Variants in SEM1 observed in about 807,000 individuals in gnomAD.
The protein encoded by SEM1 is 26S proteasome complex subunit SEM1.
In SEM1, 3 loss-of-function variants were observed where a neutral mutation model predicts 12.7. The ratio of observed to expected loss-of-function variants is 0.24; its 90% CI spans 0.11 to 0.61. The LOEUF is 0.61. SEM1 is among the 20% of genes least tolerant of loss of function. The pLI is 0.88. For synonymous variants in SEM1, 30 were observed against 27.8 expected (o/e 1.08, Z -0.25); for missense variants, 59 against 81.3 (o/e 0.73, Z 1.06).
At chr7:96,568,789 A>G (rs1442118786) in intron 2 of SEM1, among the ~76,000 whole-genome samples, 2 of 151,900 alleles carry the variant, frequency 1.3e-5, no homozygotes, top group Non-Finnish European at 2.9e-5. Context: ...GATAAAATAA[A>G]TAAAACAAAA....
chr7:96,535,788 T>C (rs547131990), intron 2 of SEM1, among the ~76,000 whole-genome samples: 1 of 152,118 alleles, frequency 6.6e-6, no homozygotes, highest in Non-Finnish European at 1.5e-5. Flanking sequence ...AAGGACATGA[T>C]TTTTTACTTT....
chr7:96,565,309 G>A (rs549816581), intron 2 of SEM1, among the ~76,000 whole-genome samples: 1 of 152,006 alleles, frequency 6.6e-6, no homozygotes, highest in Non-Finnish European at 1.5e-5. Flanking sequence ...CAAAGAGTTA[G>A]GTACTTTGTG....
At chr7:96,562,671 A>G (rs1360930558) in intron 2 of SEM1, among the ~76,000 whole-genome samples, 2 of 152,142 alleles carry the variant, frequency 1.3e-5, no homozygotes, top group Non-Finnish European at 1.5e-5. Flanking sequence ...TTACAAGTGG[A>G]TAGGAAAACT....
intron 1 of SEM1, chr7:96,696,302 A>G (rs150253152): frequency 1.2e-3 from 175 of 152,084 alleles, no homozygotes; most frequent in African/African-American, 4.1e-3. Flanking sequence ...AGAACATATA[A>G]AAAAGATTCA....
At chr7:96,652,691 G>C (rs1809039220) in intron 2 of SEM1, among the ~76,000 whole-genome samples, 1 of 152,046 alleles carries the variant, frequency 6.6e-6, no homozygotes, top group Non-Finnish European at 1.5e-5. Context: ...CTTCAGTTAT[G>C]TTTCCCAAAG....
chr7:96,607,156 C>G (rs1807405056), intron 2 of SEM1, among the ~76,000 whole-genome samples: 1 of 152,066 alleles, frequency 6.6e-6, no homozygotes, highest in African/African-American at 2.4e-5. Flanking sequence ...CTGAGGATAC[C>G]TTGGTGAAAC....
intron 2 of SEM1, among the ~76,000 whole-genome samples, chr7:96,596,507 A>G (rs560455078): frequency 6.6e-6 from 1 of 152,168 alleles, no homozygotes; most frequent in African/African-American, 2.4e-5. Context: ...GGCCGTGTGC[A>G]TCTTGATTTC....
At position 96,709,741 on chromosome 7, in the gene SEM1, A is replaced by T. The variant is rs774755484; in HGVS notation, c.23T>A (p.Val8Glu). 1 of 1,613,986 alleles carries T rather than the reference A, an allele frequency of 6.2e-7. No homozygotes were observed. The highest frequency in any genetic ancestry group is 1.1e-5 in the South Asian group (1 of 91,082). Residue 8 changes from valine to glutamate, a missense_variant, in exon 1 of 3, where the codon GTA becomes GAA. Physicochemically the swap from Val to Glu is moderately radical, Grantham distance 121. Transcript: ENST00000248566. ...GTCTTCCTCTAACAGACCTAAGTCTACCGGCTGCTTTTTCTCTGACATCTC... is the reference window on the plus strand; with the variant it reads ...GTCTTCCTCTAACAGACCTAAGTCTTCCGGCTGCTTTTTCTCTGACATCTC... MSEKKQPVDLGLLEEDDE... is the reference protein window; with the variant it reads MSEKKQPEDLGLLEEDDE...
chr7:96,689,345 C>T (rs891022072), intron 2 of SEM1, among the ~76,000 whole-genome samples: 1 of 152,142 alleles, frequency 6.6e-6, no homozygotes, highest in African/African-American at 2.4e-5. Flanking sequence ...GCAAAGTACA[C>T]ATCACTATCA....
chr7:96,531,606 GAAAAAAAA>G (rs5885966), intron 2 of SEM1, among the ~76,000 whole-genome samples: 2 of 129,768 alleles, frequency 1.5e-5, no homozygotes, highest in Non-Finnish European at 3.3e-5. Flanking sequence ...ACTCTGTGTG[GAAAAAAAA>G]AAAAAAAAGG....
chr7:96,573,941 TA>T (rs146372643), intron 2 of SEM1, among the ~76,000 whole-genome samples: 128,352 of 151,030 alleles, frequency 0.85, 56,643 homozygotes, highest in Non-Finnish European at 0.98. Context: ...TTTTTTTTAA[TA>T]TTTTTTATTA....
At chr7:96,564,842 A>G (rs947797219) in intron 2 of SEM1, among the ~76,000 whole-genome samples, 1 of 152,058 alleles carries the variant, frequency 6.6e-6, no homozygotes, top group East Asian at 1.9e-4. Flanking sequence ...AAGAAAACTT[A>G]TATGGTAAGT....
chr7:96,576,122 A>G (rs1450180316), intron 2 of SEM1, among the ~76,000 whole-genome samples: 1 of 152,200 alleles, frequency 6.6e-6, no homozygotes, highest in Non-Finnish European at 1.5e-5. Context: ...TGTGAATTCA[A>G]TCTTGTCTGA....
intron 2 of SEM1, among the ~76,000 whole-genome samples, chr7:96,543,296 G>A (rs534174472): frequency 1.2e-4 from 18 of 151,758 alleles, no homozygotes; most frequent in Non-Finnish European, 2.1e-4. Context: ...AACATATACC[G>A]GAGGATATGT....
At chr7:96,514,772 T>A (rs958447624) in intron 2 of SEM1, among the ~76,000 whole-genome samples, 3 of 152,106 alleles carry the variant, frequency 2.0e-5, no homozygotes, top group Non-Finnish European at 2.9e-5. Flanking sequence ...GTTTTATAAA[T>A]AAATGAAAAG....
intron 2 of SEM1, among the ~76,000 whole-genome samples, chr7:96,676,607 T>C (rs1789454781): frequency 6.6e-6 from 1 of 152,212 alleles, no homozygotes; most frequent in Non-Finnish European, 1.5e-5. Flanking sequence ...ACAAGCTACA[T>C]TTCTGCCAAT....
chr7:96,528,724 A>G, intron 2 of SEM1, among the ~76,000 whole-genome samples: 1 of 152,120 alleles, frequency 6.6e-6, no homozygotes. Flanking sequence ...GCAGAATCTC[A>G]GACCCATTCC....
chr7:96,564,383 G>GT (rs1398566658), intron 2 of SEM1, among the ~76,000 whole-genome samples: 1 of 151,784 alleles, frequency 6.6e-6, no homozygotes, highest in Admixed American at 6.6e-5. Flanking sequence ...AGCTGAAAAC[G>GT]TAAGATGGGA....
rs571232548 is a variant in SEM1 at position 96,486,071 on chromosome 7, C to T, written c.227+132G>A. The T allele has an allele frequency of 2.9e-5, 19 of 655,172 alleles. No homozygotes were observed. In the East Asian group the frequency reaches 3.5e-4, roughly 12 times the overall value. The allele number at this position is 655,172 out of a possible 1,614,324, so 40.6% of individuals were successfully genotyped here. A position where few individuals can be genotyped will look rare whatever the true frequency, so the allele number is the denominator to read the frequency against. ...AGAATTGGAAGAAAGGAAAATATCA[C>T]GTGTAAAGATCACGGTTGAGTATGT... On this transcript the variant is annotated intron_variant, in intron 2 of 3. Transcript: ENST00000356686.
Sources: allele counts gnomAD v4.1 joint callset (sites outside exome capture counted in the v4.1 genomes callset), GRCh38; gene constraint gnomAD v4.1.1; transcripts MANE v1.5; gene names NCBI Gene and HGNC (gene_info 2026-07-23, HGNC 2026-07-21).